The following LYRM4 variants were observed in gnomAD, a reference collection of about 807,000 sequenced individuals.
LYRM4 encodes the protein LYR motif-containing protein 4.
A neutral mutation model predicts 11.7 loss-of-function variants in LYRM4; 9 were observed. That is an observed-to-expected ratio of 0.77 (90% confidence interval 0.46 to 1.34). The LOEUF (loss-of-function observed/expected upper bound fraction) is 1.34. Ranked by LOEUF, LYRM4 falls within the 40% of genes most tolerant of loss-of-function variation. The probability of loss-of-function intolerance (pLI) is 0.00; values close to 1 mark genes in which losing one functional copy is unlikely to be tolerated. For synonymous variants in LYRM4, 42 were observed against 40.4 expected, an observed-to-expected ratio of 1.04 and a Z score of -0.15; for missense variants, 133 against 112.5, an observed-to-expected ratio of 1.18 and a Z score of -0.82.
intron 2 of LYRM4, among the ~76,000 whole-genome samples, chr6:5,165,603 C>T (rs1169601509): frequency 1.3e-5 from 2 of 151,244 alleles, no homozygotes; most frequent in Non-Finnish European, 2.9e-5. Flanking sequence ...AGTGCAGTGG[C>T]GCGATCTCGG....
chr6:5,239,137 A>G (rs1357670572), intron 1 of LYRM4, among the ~76,000 whole-genome samples: 2 of 152,220 alleles, frequency 1.3e-5, no homozygotes, highest in Non-Finnish European at 2.9e-5. Flanking sequence ...GCAGACAGAA[A>G]CTGATGAACC....
intron 2 of LYRM4, among the ~76,000 whole-genome samples, chr6:5,194,179 C>T (rs536071108): frequency 1.6e-4 from 25 of 152,198 alleles, no homozygotes; most frequent in Non-Finnish European, 2.8e-4. Context: ...CAGCTTCATA[C>T]GCTCCATTTG....
At chr6:5,232,442 G>C (rs750971113) in intron 1 of LYRM4, among the ~76,000 whole-genome samples, 1 of 152,248 alleles carries the variant, frequency 6.6e-6, no homozygotes, top group Admixed American at 6.5e-5. Context: ...ACAGGCAACT[G>C]AGGGTCATTA....
At chr6:5,252,546 CCTCTGTGG>C (rs1764483130) in intron 1 of LYRM4, among the ~76,000 whole-genome samples, 1 of 152,224 alleles carries the variant, frequency 6.6e-6, no homozygotes, top group Non-Finnish European at 1.5e-5. Flanking sequence ...CGCATGTCCA[CCTCTGTGG>C]CTGACACAGA....
At chr6:5,172,969 G>A (rs1213629083) in intron 2 of LYRM4, among the ~76,000 whole-genome samples, 1 of 152,108 alleles carries the variant, frequency 6.6e-6, no homozygotes, top group Non-Finnish European at 1.5e-5. Flanking sequence ...CTTCTTCACT[G>A]CCAATAAATC....
the LYRM4 span, among the ~76,000 whole-genome samples, chr6:5,046,218 C>T: frequency 2.2e-4 from 33 of 152,188 alleles, no homozygotes; most frequent in Non-Finnish European, 4.1e-4. Context: ...GCAATCTCAG[C>T]TCACTGCAAG....
Position 5,260,929 on chromosome 6 carries a change from G to A in LYRM4, c.-196C>T, listed in dbSNP as rs2127792686. ...GCGCCAGGCGTCCCGCGCCGCTTCGGGGGCGGGCGCAGGCAGGGCTCGGGG... is the reference window on the plus strand; with the variant it reads ...GCGCCAGGCGTCCCGCGCCGCTTCGAGGGCGGGCGCAGGCAGGGCTCGGGG... On this transcript the variant is annotated 5_prime_UTR_variant, in exon 1 of 3. Coordinates refer to ENST00000330636, the MANE Select transcript of LYRM4 (RefSeq NM_020408.6). The A allele has an allele frequency of 2.2e-6, 3 of 1,360,188 alleles. 1 individual carries two copies. The South Asian group carries it at 5.0e-5, about 23-fold the overall frequency. The allele number at this position is 1,360,188 out of a possible 1,614,324, so 84.3% of individuals were successfully genotyped here. A position where few individuals can be genotyped will look rare whatever the true frequency, so the allele number is the denominator to read the frequency against.
chr6:5,178,731 G>A (rs1449959586), intron 2 of LYRM4, among the ~76,000 whole-genome samples: 1 of 147,440 alleles, frequency 6.8e-6, no homozygotes, highest in Non-Finnish European at 1.5e-5. Context: ...CTTGAACCCG[G>A]GAGGCGGAGG....
intron 2 of LYRM4, among the ~76,000 whole-genome samples, chr6:5,178,015 GTATT>G (rs1435619858): frequency 6.6e-6 from 1 of 151,686 alleles, no homozygotes; most frequent in Non-Finnish European, 1.5e-5. Context: ...TTTTAACTAA[GTATT>G]TAATTACTTG....
At chr6:5,212,162 G>A (rs1186360783) in intron 2 of LYRM4, among the ~76,000 whole-genome samples, 1 of 152,232 alleles carries the variant, frequency 6.6e-6, no homozygotes, top group Admixed American at 6.5e-5. Context: ...ACAGGAAATA[G>A]TGACACAAAA....
chr6:5,038,343 G>A, the LYRM4 span, among the ~76,000 whole-genome samples: 4 of 59,304 alleles, frequency 6.7e-5, no homozygotes, highest in African/African-American at 1.4e-4. Flanking sequence ...CGGGGAAGAG[G>A]CGCTCCTCGC....
intron 2 of LYRM4, among the ~76,000 whole-genome samples, chr6:5,182,106 G>C (rs1466197528): frequency 6.6e-6 from 1 of 152,122 alleles, no homozygotes; most frequent in Non-Finnish European, 1.5e-5. Context: ...CCAGACTGGT[G>C]ACCAGTGCCC....
chr6:5,141,463 G>C (rs1757403930), intron 2 of LYRM4, among the ~76,000 whole-genome samples: 1 of 152,228 alleles, frequency 6.6e-6, no homozygotes, highest in African/African-American at 2.4e-5. Flanking sequence ...AGCCTGGGCA[G>C]GAACTTGTAA....
At chr6:5,137,093 G>C (rs1047680973) in intron 2 of LYRM4, among the ~76,000 whole-genome samples, 4 of 152,132 alleles carry the variant, frequency 2.6e-5, no homozygotes, top group African/African-American at 9.7e-5. Context: ...CACACAATGC[G>C]TGACTTTTTG....
intron 2 of LYRM4, among the ~76,000 whole-genome samples, chr6:5,122,186 C>T (rs1763487754): frequency 1.3e-5 from 2 of 152,190 alleles, no homozygotes; most frequent in Non-Finnish European, 1.5e-5. Context: ...TGGACGGCCT[C>T]CCTGGTTTTG....
At chr6:5,091,162 C>G in the LYRM4 span, among the ~76,000 whole-genome samples, 3 of 152,310 alleles carry the variant, frequency 2.0e-5, no homozygotes, top group African/African-American at 7.2e-5. Flanking sequence ...ATGCCAGGAC[C>G]CGATGGACTC....
At chr6:5,206,243 G>A (rs1034782233) in intron 2 of LYRM4, among the ~76,000 whole-genome samples, 5 of 152,214 alleles carry the variant, frequency 3.3e-5, no homozygotes, top group Admixed American at 1.3e-4. Flanking sequence ...GGACCTTAGA[G>A]ATACACTGAG....
At chr6:5,211,607 G>C (rs1379761719) in intron 2 of LYRM4, among the ~76,000 whole-genome samples, 1 of 152,144 alleles carries the variant, frequency 6.6e-6, no homozygotes, top group Non-Finnish European at 1.5e-5. Flanking sequence ...GAACTTGGGT[G>C]TAATACATCC....
chr6:5,085,765 C>A, the LYRM4 span: 3 of 1,536,318 alleles, frequency 2.0e-6, no homozygotes, highest in South Asian at 1.2e-5. Flanking sequence ...CCCCATCTTG[C>A]AGGCGGCCAA....
Sources: gnomAD v4.1 joint callset for allele counts (sites outside exome capture counted in the v4.1 genomes callset) on GRCh38, gnomAD v4.1.1 for gene constraint, MANE v1.5 for transcripts, NCBI Gene and HGNC (gene_info 2026-07-23, HGNC 2026-07-21) for gene names.